Variants in DIXDC1 observed in about 807,000 individuals in gnomAD.
DIXDC1 encodes dixin.
In DIXDC1, 64 loss-of-function variants were observed where a neutral mutation model predicts 103.1. The ratio of observed to expected loss-of-function variants is 0.62; its 90% CI spans 0.51 to 0.76. DIXDC1 has a LOEUF of 0.76. Among genes scored for constraint, DIXDC1 ranks in the 30% least tolerant of loss-of-function variants. DIXDC1 has a pLI of 0.00. For missense variants in DIXDC1, 759 were observed against 834.2 expected (o/e 0.91, Z 1.11); for synonymous variants, 266 against 298.5 (o/e 0.89, Z 1.12).
At chr11:111,960,851 T>A (rs1859550709) in intron 1 of DIXDC1, among the ~76,000 whole-genome samples, 1 of 152,168 alleles carries the variant, frequency 6.6e-6, no homozygotes, top group Non-Finnish European at 1.5e-5. Flanking sequence ...GGAACTGGAC[T>A]GTTTCGCTGG....
chr11:111,962,446 C>T lies in DIXDC1; in HGVS notation c.61-2103C>T, dbSNP rs782703523. Reference sequence around the variant, plus strand: ...GCAATGAGCTGAGATCATGCCACTGCACTCCAGCCTGGGCGACAGAGCAAG... The same window carrying T: ...GCAATGAGCTGAGATCATGCCACTGTACTCCAGCCTGGGCGACAGAGCAAG... On this transcript the variant is annotated intron_variant, in intron 1 of 19. Transcript: ENST00000440460. Among the ~76,000 whole-genome samples, 4 of 151,914 alleles carry T rather than the reference C, an allele frequency of 2.6e-5. No homozygotes were observed. The East Asian group carries it at 5.8e-4, about 22-fold the overall frequency.
At chr11:112,014,487 G>C (rs1861526724) in intron 17 of DIXDC1, among the ~76,000 whole-genome samples, 1 of 152,034 alleles carries the variant, frequency 6.6e-6, no homozygotes, top group South Asian at 2.1e-4. Context: ...TTCAACTTTA[G>C]TATCTCGTGA....
intron 17 of DIXDC1, among the ~76,000 whole-genome samples, chr11:112,012,345 G>A (rs1010500284): frequency 1.3e-5 from 2 of 152,238 alleles, no homozygotes; most frequent in Non-Finnish European, 2.9e-5. Context: ...AATCAAGACA[G>A]TGTAGTATTG....
At chr11:111,946,535 A>G (rs782197555) in intron 1 of DIXDC1, among the ~76,000 whole-genome samples, 15 of 151,886 alleles carry the variant, frequency 9.9e-5, no homozygotes, top group Non-Finnish European at 1.8e-4. Context: ...GTTTTTTTGT[A>G]TTTTTAGTAG....
chr11:111,942,872 T>C (rs1555169005), intron 1 of DIXDC1, among the ~76,000 whole-genome samples: 1 of 152,162 alleles, frequency 6.6e-6, no homozygotes, highest in Non-Finnish European at 1.5e-5. Flanking sequence ...CTGCCATCAG[T>C]CGGAGCCTGT....
chr11:111,948,888 A>C (rs3853772), intron 1 of DIXDC1, among the ~76,000 whole-genome samples: 23 of 151,922 alleles, frequency 1.5e-4, no homozygotes, highest in East Asian at 7.8e-4. Flanking sequence ...GCATCATGAT[A>C]CCTCCCATTT....
chr11:111,995,202 C>A, intron 15 of DIXDC1, 94 bp downstream of exon 15: 3 of 1,385,826 alleles, frequency 2.2e-6, no homozygotes, highest in African/African-American at 1.4e-5. Context: ...CTTTTATATT[C>A]CAGTTCCCTA....
intron 6 of DIXDC1, 84 bp from the exon 7 acceptor site, chr11:111,982,255 C>A (rs1189266913): frequency 1.0e-5 from 15 of 1,477,164 alleles, no homozygotes; most frequent in African/African-American, 1.4e-5. Flanking sequence ...GTGACCTGAA[C>A]CTGTGAACGC....
chr11:112,010,844 A>G (rs1719733985), intron 17 of DIXDC1, among the ~76,000 whole-genome samples: 2 of 152,244 alleles, frequency 1.3e-5, no homozygotes, highest in African/African-American at 4.8e-5. Flanking sequence ...AAAACCATAA[A>G]AACCCTAGAA....
rs914286645 is a variant in DIXDC1 at position 111,998,071 on chromosome 11, C to T, written c.1756+1925C>T. ...GTTCTTCTTGTTGGGTCTCTGTTGA[C>T]TTTCTTGTCGCCTAATCAAGTGGTT... is the stretch of plus-strand genomic sequence containing the variant. On this transcript the variant is annotated intron_variant, in intron 17 of 19. Transcript: ENST00000440460. The surrounding 1 kb of genome is among the most constrained non-coding windows in gnomAD (Gnocchi z 4.1). Among the ~76,000 whole-genome samples the T allele has an allele frequency of 3.3e-5, 5 of 152,232 alleles. No individual in the cohort carries two copies. The highest frequency in any genetic ancestry group is 1.5e-5 in the Non-Finnish European group (1 of 68,036).
At chr11:111,955,987 T>TACACAC (rs71461600) in intron 1 of DIXDC1, among the ~76,000 whole-genome samples, 34,611 of 142,384 alleles carry the variant, frequency 0.24, 4,279 homozygotes, top group East Asian at 0.39. Context: ...TATATATGTG[T>TACACAC]ACACACACAC....
intron 17 of DIXDC1, chr11:111,996,386 A>G: frequency 2.9e-6 from 1 of 346,220 alleles, no homozygotes; most frequent in South Asian, 5.3e-5. Context: ...AGAGGCTAAA[A>G]TATCTTTGAA....
intron 17 of DIXDC1, among the ~76,000 whole-genome samples, chr11:112,014,460 C>T (rs1200079583): frequency 6.6e-6 from 1 of 152,206 alleles, no homozygotes. Flanking sequence ...GTCCTTCCCT[C>T]TTCTTGGAAT....
intron 10 of DIXDC1, 71 bp downstream of exon 10, chr11:111,989,126 A>G: frequency 7.4e-7 from 1 of 1,342,684 alleles, no homozygotes; most frequent in Non-Finnish European, 1.0e-6. Flanking sequence ...GTGAGTGGTG[A>G]GAGTTGGAAT....
chr11:111,975,396 G>T (rs1055617090), intron 5 of DIXDC1: 2 of 1,032,734 alleles, frequency 1.9e-6, no homozygotes, highest in Non-Finnish European at 2.3e-6. Flanking sequence ...TAGAAGAGAA[G>T]AAATTGAGCA....
rs1555173918 is a variant in DIXDC1 at position 111,986,909 on chromosome 11, G to T, written c.1047G>T (p.Glu349Asp). 1.3e-5 allele frequency: 21 copies of T among 1,575,524 alleles called. No homozygotes were observed. The highest frequency in any genetic ancestry group is 1.7e-5 in the Non-Finnish European group (20 of 1,159,168). ...IQSRLDQSME[E>D]NQDLKKELLK... Reference sequence around the variant, plus strand: ...GTCGTCTGGATCAGAGTATGGAGGAGAATCAGGACTTAAAGGTATGTCAAG... The same window carrying T: ...GTCGTCTGGATCAGAGTATGGAGGATAATCAGGACTTAAAGGTATGTCAAG... Residue 349 changes from glutamate (E) to aspartate (D), a missense_variant, in exon 9 of 20, where the codon GAG becomes GAT. Coordinates refer to ENST00000440460, the MANE Select transcript of DIXDC1 (RefSeq NM_001037954.4).
intron 14 of DIXDC1, among the ~76,000 whole-genome samples, chr11:111,994,560 T>C (rs1380053258): frequency 1.3e-5 from 2 of 151,246 alleles, no homozygotes; most frequent in African/African-American, 4.9e-5. Flanking sequence ...TATGTATATA[T>C]GTATATGTAT....
intron 17 of DIXDC1, among the ~76,000 whole-genome samples, chr11:112,003,137 A>G (rs1434532177): frequency 6.6e-6 from 1 of 152,198 alleles, no homozygotes; most frequent in East Asian, 1.9e-4. Context: ...ACAAAAATAC[A>G]GTTAGATAGA....
At chr11:111,970,130 A>C (rs899081312) in intron 3 of DIXDC1, among the ~76,000 whole-genome samples, 3 of 152,072 alleles carry the variant, frequency 2.0e-5, no homozygotes, top group Admixed American at 6.5e-5. Flanking sequence ...ATCTCACCTC[A>C]CTGCAACGTC....
Sources: allele counts gnomAD v4.1 joint callset (sites outside exome capture counted in the v4.1 genomes callset), GRCh38; gene constraint gnomAD v4.1.1; non-coding constraint Gnocchi (gnomAD v3.1); transcripts MANE v1.5; gene names NCBI Gene and HGNC (gene_info 2026-07-23, HGNC 2026-07-21).